Variants in MAP3K20 observed in about 807,000 individuals in gnomAD.
MAP3K20 encodes mitogen-activated protein kinase kinase kinase 20.
MAP3K20 carries 40 observed loss-of-function variants against 85.7 expected under a neutral mutation model. That is an observed-to-expected ratio of 0.47 (90% CI 0.36 to 0.61). The LOEUF (loss-of-function observed/expected upper bound fraction) is 0.61. MAP3K20 is among the 20% of genes least tolerant of loss of function. The pLI is 0.00. For missense variants in MAP3K20, 817 were observed against 961.7 expected, an observed-to-expected ratio of 0.85 and a Z score of 1.99; for synonymous variants, 325 against 327.7, an observed-to-expected ratio of 0.99 and a Z score of 0.09.
chr2:173,176,282 TC>T (rs1690151613), intron 3 of MAP3K20, among the ~76,000 whole-genome samples: 3 of 152,230 alleles, frequency 2.0e-5, no homozygotes, highest in African/African-American at 7.2e-5. Context: ...TTATGGTTTT[TC>T]TACCTTTAAA....
chr2:173,126,402 CAG>C (rs773517913), intron 2 of MAP3K20, among the ~76,000 whole-genome samples: 1 of 151,850 alleles, frequency 6.6e-6, no homozygotes, highest in Admixed American at 6.6e-5. Flanking sequence ...GTTTTTGAGA[CAG>C]AGTCTCACTC....
rs7593622 is a variant in MAP3K20 at position 173,266,085 on chromosome 2, C to A, written c.1738C>A (p.Arg580=). 1.3e-6 allele frequency: 2 copies of A among 1,592,402 alleles called. No homozygotes were observed. The highest frequency in any genetic ancestry group is 1.1e-5 in the South Asian group (1 of 88,232). ...CCAGTGGTTAGATACTCTGAGGATG[C>A]GGCAGATTGCATCCAACACTTCTTT... The part of the protein sequence containing the change: ...DCQWLDTLRM[R]QIASNTSLQR... The change falls in exon 20 of 20, where the codon CGG becomes AGG. Residue 580 remains arginine (R), a synonymous_variant. Transcript: ENST00000375213.
chr2:173,125,784 T>A (rs1182861570), intron 2 of MAP3K20, among the ~76,000 whole-genome samples: 1 of 152,144 alleles, frequency 6.6e-6, no homozygotes, highest in Non-Finnish European at 1.5e-5. Flanking sequence ...TGCCTCAGTC[T>A]CCTGAGTAGC....
chr2:173,209,688 C>G, intron 9 of MAP3K20, 41 bp from the exon 10 acceptor site: 1 of 1,544,154 alleles, frequency 6.5e-7, no homozygotes, highest in Non-Finnish European at 8.8e-7. Flanking sequence ...TATCTCCTTT[C>G]TTAAGTCCCA....
intron 2 of MAP3K20, among the ~76,000 whole-genome samples, chr2:173,100,832 A>G (rs1300604268): frequency 3.3e-5 from 5 of 152,330 alleles, no homozygotes; most frequent in East Asian, 1.9e-4. Flanking sequence ...AGAGTAAGCA[A>G]TTTAAAATAA....
At chr2:173,222,975 T>C in intron 11 of MAP3K20, 1 of 985,456 alleles carries the variant, frequency 1.0e-6, no homozygotes, top group Non-Finnish European at 1.2e-6. Context: ...TAAACCAAAA[T>C]ATTTTTGGTG....
rs563443943 is a variant in MAP3K20 at position 173,253,060 on chromosome 2, C to T, written c.1360-5639C>T. Among the ~76,000 whole-genome samples, 8 of 152,282 alleles carry T rather than the reference C, an allele frequency of 5.3e-5. No individual in the cohort carries two copies. The East Asian group carries it at 1.3e-3, about 26-fold the overall frequency. On this transcript the variant is annotated intron_variant, in intron 16 of 19. Transcript: ENST00000375213. ...CACTCCCTGGTACCCAAATGATTCA[C>T]AGCCCCCTGCACGCCCAGACTCCTG...
intron 2 of MAP3K20, among the ~76,000 whole-genome samples, chr2:173,098,890 G>T (rs775392376): frequency 4.6e-5 from 7 of 152,150 alleles, no homozygotes; most frequent in Non-Finnish European, 8.8e-5. Context: ...AAATTCTTGG[G>T]CCTCACCCCA....
At position 173,217,213 on chromosome 2, in the gene MAP3K20, T is replaced by G; in HGVS notation, c.950T>G (p.Met317Arg). The change falls in exon 11 of 20, where the codon ATG (methionine) becomes AGG (arginine). Residue 317 changes from methionine to arginine, a missense_variant. Transcript: ENST00000375213. ...ELKERERRLK[M>R]WEQKLTEQSN... The stretch of plus-strand genomic sequence containing the variant: ...AAAGAACGAGAAAGACGTTTAAAGA[T>G]GTGGGAGCAAAAGCTGACAGAGCAG... The G allele has an allele frequency of 6.2e-7, 1 of 1,601,770 alleles. No homozygotes were observed. The highest frequency in any genetic ancestry group is 8.5e-7 in the Non-Finnish European group (1 of 1,173,754).
intron 9 of MAP3K20, among the ~76,000 whole-genome samples, chr2:173,209,276 A>G (rs1253654635): frequency 1.3e-5 from 2 of 152,128 alleles, no homozygotes; most frequent in African/African-American, 2.4e-5. Flanking sequence ...TTTCCCCCCA[A>G]CGCTTTATCA....
At chr2:173,076,043 G>T in intron 1 of MAP3K20, 41 bp downstream of exon 1, 1 of 982,188 alleles carries the variant, frequency 1.0e-6, no homozygotes, top group Non-Finnish European at 1.2e-6. Flanking sequence ...GGGGAGGGAG[G>T]GGGCGAGGCC....
chr2:173,137,313 G>A (rs1351533155), intron 2 of MAP3K20, among the ~76,000 whole-genome samples: 1 of 152,188 alleles, frequency 6.6e-6, no homozygotes, highest in Non-Finnish European at 1.5e-5. Context: ...TAGTGATTAT[G>A]GCTTATTAGA....
At chr2:173,222,192 C>G (rs1300910081) in intron 11 of MAP3K20, 1 of 977,240 alleles carries the variant, frequency 1.0e-6, no homozygotes, top group African/African-American at 1.8e-5. Flanking sequence ...GGCAAGAGAA[C>G]AAGATCCTGT....
rs1388374596 is a variant in MAP3K20, at chr2:173,165,262, C to A, written c.160-4543C>A. Among the ~76,000 whole-genome samples the A allele has an allele frequency of 3.3e-5, 5 of 151,262 alleles. No homozygotes were observed. The East Asian group carries it at 9.7e-4, about 29-fold the overall frequency. On this transcript the variant is annotated intron_variant, in intron 2 of 19. Transcript: ENST00000375213. ...TGTCTCTACTGAAAAAAAAAAAATA[C>A]AAAAATTAGCTGGGTGTAGTGGTGC... is the stretch of plus-strand genomic sequence containing the variant.
intron 2 of MAP3K20, among the ~76,000 whole-genome samples, chr2:173,151,634 A>G (rs1179114126): frequency 6.6e-6 from 1 of 152,246 alleles, no homozygotes. Flanking sequence ...GCAGGCATGT[A>G]CATCTATGTG....
At chr2:173,081,304 G>A (rs1265422517) in intron 1 of MAP3K20, among the ~76,000 whole-genome samples, 2 of 151,776 alleles carry the variant, frequency 1.3e-5, no homozygotes, top group African/African-American at 4.8e-5. Flanking sequence ...TGGGGCTGAG[G>A]GTATGTGCTA....
chr2:173,137,432 T>G (rs970831897), intron 2 of MAP3K20, among the ~76,000 whole-genome samples: 3 of 152,128 alleles, frequency 2.0e-5, no homozygotes, highest in African/African-American at 7.2e-5. Context: ...AAGGCAAGTA[T>G]AAGTATGAAT....
chr2:173,216,847 G>A (rs73974108), intron 10 of MAP3K20, among the ~76,000 whole-genome samples: 116 of 152,250 alleles, frequency 7.6e-4, no homozygotes, highest in African/African-American at 2.6e-3. Flanking sequence ...TTTACTAAAT[G>A]GCTGTACCAG....
chr2:173,180,475 C>T (rs918958040), intron 3 of MAP3K20, among the ~76,000 whole-genome samples: 1 of 152,072 alleles, frequency 6.6e-6, no homozygotes, highest in Non-Finnish European at 1.5e-5. Context: ...GAGTTCAAGA[C>T]CAGCCTGAGC....
Sources: gnomAD v4.1 joint callset for allele counts (sites outside exome capture counted in the v4.1 genomes callset) on GRCh38, gnomAD v4.1.1 for gene constraint, MANE v1.5 for transcripts, NCBI Gene and HGNC (gene_info 2026-07-23, HGNC 2026-07-21) for gene names.